Variants in MR1 observed in about 807,000 individuals in gnomAD.
MR1 encodes major histocompatibility complex class I-related protein 1.
A neutral mutation model predicts 37.8 loss-of-function variants in MR1; 44 were observed. The observed-to-expected ratio is 1.16, with a 90% CI of 0.91 to 1.50. MR1 has a LOEUF of 1.50. Ranked by LOEUF, MR1 falls within the 40% of genes most tolerant of loss-of-function variation. MR1 has a pLI of 0.00. For missense variants in MR1, 386 were observed against 419.1 expected (o/e 0.92, Z 0.69); for synonymous variants, 153 against 155.8 (o/e 0.98, Z 0.13).
chr1:181,050,423 G>A, intron 3 of MR1, 137 bp downstream of exon 3: 1 of 1,137,734 alleles, frequency 8.8e-7, no homozygotes, highest in Non-Finnish European at 1.2e-6. Flanking sequence ...CATGGCTAGA[G>A]CCCCCACGAA....
At chr1:181,033,922 T>G, upstream of MR1, 1 of 1,116,486 alleles carries the variant, frequency 9.0e-7, no homozygotes, top group Non-Finnish European at 1.3e-6. Flanking sequence ...CCTGTTCTTA[T>G]TGGGAGAAGG....
intron 1 of MR1, among the ~76,000 whole-genome samples, chr1:181,043,458 C>G (rs1051289516): frequency 6.6e-6 from 1 of 152,178 alleles, no homozygotes; most frequent in Non-Finnish European, 1.5e-5. Context: ...CGTGGTGGCT[C>G]ACATCTCTAA....
chr1:181,048,281 A>T (rs1381774994), intron 1 of MR1, among the ~76,000 whole-genome samples: 2 of 151,540 alleles, frequency 1.3e-5, no homozygotes, highest in African/African-American at 4.9e-5. Flanking sequence ...CATGCCTATA[A>T]TCCCAGCACT....
intron 1 of MR1, among the ~76,000 whole-genome samples, chr1:181,042,756 G>A (rs1398868303): frequency 2.0e-5 from 3 of 152,012 alleles, no homozygotes; most frequent in Non-Finnish European, 2.9e-5. Flanking sequence ...GCAGTGAGCC[G>A]AGATCACGCC....
intron 1 of MR1, chr1:181,036,849 A>G (rs924688568): frequency 2.0e-5 from 3 of 152,246 alleles, no homozygotes; most frequent in African/African-American, 7.2e-5. Flanking sequence ...TAATGTCCCT[A>G]AGAAATCACA....
rs1473634067 is a variant in MR1, at chr1:181,049,274, T to A, written c.290T>A (p.Val97Glu). 6.2e-7 allele frequency: 1 copy of A among 1,613,924 alleles called. No individual in the cohort carries two copies. The highest frequency in any genetic ancestry group is 8.5e-7 in the Non-Finnish European group (1 of 1,179,964). ...LLRGWQQMFK[V>E]ELKRLQRHYN... ...AGGGGCTGGCAGCAGATGTTCAAGG[T>A]GGAACTGAAGCGCCTACAGAGGCAC... The change falls in exon 2 of 6, where the codon GTG (valine) becomes GAG (glutamate). Residue 97 changes from valine (V) to glutamate (E), a missense_variant. By Grantham distance (121) the Val-to-Glu change is moderately radical. Transcript: ENST00000367580.
At chr1:181,055,199 C>T in intron 5 of MR1, 26 bp from the exon 6 acceptor site, 1 of 1,611,172 alleles carries the variant, frequency 6.2e-7, no homozygotes, top group Non-Finnish European at 8.5e-7. Flanking sequence ...TTCTTGTAAT[C>T]TGACTAAAAA....
At chr1:181,033,911 C>T, upstream of MR1, 2 of 950,780 alleles carry the variant, frequency 2.1e-6, no homozygotes, top group Non-Finnish European at 3.2e-6. Context: ...GCATATCTTC[C>T]CCTGTTCTTA....
intron 1 of MR1, among the ~76,000 whole-genome samples, chr1:181,039,711 C>A (rs1361487327): frequency 6.6e-6 from 1 of 151,746 alleles, no homozygotes; most frequent in Non-Finnish European, 1.5e-5. Context: ...ACTAAAAATA[C>A]AAAAATTAGC....
chr1:181,050,397 T>G, intron 3 of MR1, 111 bp downstream of exon 3: 1 of 1,403,194 alleles, frequency 7.1e-7, no homozygotes. Flanking sequence ...TCTCTTTAGT[T>G]GGCCTATTGT....
rs757492621 is a variant in MR1, at chr1:181,053,528, A to G, written c.881-45A>G. ...AAAAGTCCCAGAAAGTTAACACAGA[A>G]GGGAAAGGGGACTTGTGGATTTTTT... On this transcript the variant is annotated intron_variant, in intron 4 of 5. Coordinates refer to ENST00000367580, the MANE Select transcript of MR1 (RefSeq NM_001385161.1). 1.7e-5 allele frequency: 24 copies of G among 1,437,242 alleles called. No homozygotes were observed. The Admixed American group carries it at 3.5e-4, about 21-fold the overall frequency. The allele number at this position is 1,437,242 out of a possible 1,614,324, so 89.0% of individuals were successfully genotyped here. A position where few individuals can be genotyped will look rare whatever the true frequency, so the allele number is the denominator to read the frequency against.
In MR1 at chr1:181,055,163, CTTTA is replaced by C. The variant is rs1658545303; in HGVS notation, c.986-58_986-55del. ...CTCAGATTTTGCTGAACACTGCATA[CTTTA>C]TTTTTGAGCTGTGAGGAAACATTCT... On this transcript the variant is annotated intron_variant, in intron 5 of 5. Transcript: ENST00000367580. 5 of 1,530,518 alleles carry C rather than the reference CTTTA, an allele frequency of 3.3e-6. No individual in the cohort carries two copies. The East Asian group carries it at 1.1e-4, about 34-fold the overall frequency. The allele number at this position is 1,530,518 out of a possible 1,614,324, so 94.8% of individuals were successfully genotyped here.
rs1658687407 is a variant in MR1, at chr1:181,057,603, G to A, written c.*2338G>A. On this transcript the variant is annotated 3_prime_UTR_variant, in exon 6 of 6. Coordinates refer to ENST00000367580, the MANE Select transcript of MR1 (RefSeq NM_001385161.1). ...ATAATATGTCCAAATGGATGAAGAG[G>A]AGGCAAGGACAAGGATGTGATGACA... 1 of 152,212 alleles carries A rather than the reference G, an allele frequency of 6.6e-6. No homozygotes were observed. Among genetic ancestry groups the A allele is most frequent in the African/African-American group, 2.4e-5 (1 of 41,448 alleles). The allele number at this position is 152,212 out of a possible 1,614,324, so 9.4% of individuals were successfully genotyped here. A position where few individuals can be genotyped will look rare whatever the true frequency, so the allele number is the denominator to read the frequency against.
chr1:181,034,823 G>A (rs1304314060), intron 1 of MR1, among the ~76,000 whole-genome samples: 1 of 152,172 alleles, frequency 6.6e-6, no homozygotes, highest in Admixed American at 6.5e-5. Flanking sequence ...TGCACATAGA[G>A]AGTGGAATGA....
At chr1:181,054,365 T>C (rs1484279823) in intron 5 of MR1, among the ~76,000 whole-genome samples, 1 of 152,104 alleles carries the variant, frequency 6.6e-6, no homozygotes, top group African/African-American at 2.4e-5. Context: ...CCTGGTAAGG[T>C]TATCTCCTGG....
At chr1:181,055,014 C>G (rs1363442589) in intron 5 of MR1, among the ~76,000 whole-genome samples, 1 of 152,192 alleles carries the variant, frequency 6.6e-6, no homozygotes, top group Non-Finnish European at 1.5e-5. Flanking sequence ...ACATCCCTCT[C>G]TCAATAATTA....
At chr1:181,046,671 T>G (rs561800915) in intron 1 of MR1, among the ~76,000 whole-genome samples, 1 of 152,028 alleles carries the variant, frequency 6.6e-6, no homozygotes, top group Admixed American at 6.6e-5. Context: ...CCGTCTCGGG[T>G]CCGCTTCCAC....
At chr1:181,048,683 C>A (rs1340449905) in intron 1 of MR1, among the ~76,000 whole-genome samples, 3 of 152,342 alleles carry the variant, frequency 2.0e-5, no homozygotes, top group East Asian at 1.9e-4. Flanking sequence ...GGTTTTCAAG[C>A]CTTCAGAGTT....
chr1:181,034,129 G>A (rs1315374552), intron 1 of MR1, 55 bp downstream of exon 1: 1 of 1,547,262 alleles, frequency 6.5e-7, no homozygotes, highest in Non-Finnish European at 8.8e-7. Context: ...CAGCCTAGAA[G>A]GCACAGCTTT....
Sources: allele counts gnomAD v4.1 joint callset (sites outside exome capture counted in the v4.1 genomes callset), GRCh38; gene constraint gnomAD v4.1.1; transcripts MANE v1.5; gene names NCBI Gene and HGNC (gene_info 2026-07-23, HGNC 2026-07-21).